BRF1: variants seen among roughly 807,000 people sequenced by gnomAD.
BRF1 encodes transcription factor IIIB 90 kDa subunit.
BRF1 carries 59 observed loss-of-function variants against 81.7 expected under a neutral mutation model. The observed-to-expected ratio is 0.72, with a 90% CI of 0.59 to 0.90. The LOEUF is 0.90. Ranked by LOEUF, BRF1 falls within the 40% of genes least tolerant of loss-of-function variation. BRF1 has a pLI of 0.00. For missense variants in BRF1, 1,050 were observed against 936.3 expected, an observed-to-expected ratio of 1.12 and a Z score of -1.58; for synonymous variants, 491 against 395.6, an observed-to-expected ratio of 1.24 and a Z score of -2.86.
rs185114171 is a variant in BRF1, at chr14:105,210,963, G to A, written c.1996+159C>T. ...CCTGGCTGCCTCCAACCTCACAATCGACATGACCAATTTACAAAATGTCTT... is the reference window on the plus strand; with the variant it reads ...CCTGGCTGCCTCCAACCTCACAATCAACATGACCAATTTACAAAATGTCTT... On this transcript the variant is annotated intron_variant, in intron 17 of 17. Transcript: ENST00000547530. This position sits in a 1 kb window ranked among gnomAD's most constrained non-coding sequence, Gnocchi z 4.7. 1.3e-5 allele frequency among the ~76,000 whole-genome samples: 2 copies of A among 152,256 alleles called. No individual in the cohort carries two copies. The highest frequency in any genetic ancestry group is 2.4e-5 in the African/African-American group (1 of 41,560).
rs370674793 is a variant in BRF1 at position 105,222,075 on chromosome 14, C to T, written c.1049-161G>A. The T allele has an allele frequency of 6.2e-4, 498 of 807,958 alleles. 7 individuals are homozygous for T. The African/African-American group carries it at 8.1e-3, about 13-fold the overall frequency. The allele number at this position is 807,958 out of a possible 1,614,324, so 50.0% of individuals were successfully genotyped here. Reference sequence around the variant, plus strand: ...AAAGAACGAGCCTCAGCCCACACCTCGCACTGCACGCGGAAGTTAGCTCAA... The same window carrying T: ...AAAGAACGAGCCTCAGCCCACACCTTGCACTGCACGCGGAAGTTAGCTCAA... On this transcript the variant is annotated intron_variant, in intron 10 of 17. Transcript: ENST00000547530.
intron 2 of BRF1, among the ~76,000 whole-genome samples, chr14:105,274,773 T>G (rs1174774981): frequency 6.6e-6 from 1 of 152,000 alleles, no homozygotes; most frequent in Non-Finnish European, 1.5e-5. Context: ...TGCCCCCACT[T>G]CTGTCTGCAG....
rs191335755 is a variant in BRF1 at position 105,311,652 on chromosome 14, C to G, written c.-162+3670G>C. On this transcript the variant is annotated intron_variant, in intron 1 of 17. Coordinates refer to the BRF1 transcript ENST00000327359. The stretch of plus-strand genomic sequence containing the variant: ...CTAACCCTGTTCTACTCTACAACCC[C>G]GGGGTTGATTCCAGGCCTCACTCTC... 7.7e-4 allele frequency among the ~76,000 whole-genome samples: 118 copies of G among 152,268 alleles called. 1 individual carries two copies. The East Asian group carries it at 0.015, about 19-fold the overall frequency.
rs1316711925 is a variant in BRF1 at position 105,266,008 on chromosome 14, T to TCC, written c.439+6712_439+6713insGG. 8.7e-4 allele frequency among the ~76,000 whole-genome samples: 131 copies of TCC among 151,194 alleles called. 2 individuals carry two copies. In the Middle Eastern group the frequency reaches 0.017, roughly 20 times the overall value. ...ATCACTTGAACCCAGAGGGCAGAGG[T>TCC]TGCAGTGAGCCGAGATGGCACCACT... On this transcript the variant is annotated intron_variant, in intron 3 of 17. Transcript: ENST00000547530.
At chr14:105,256,658 C>T in intron 3 of BRF1, 109 bp from the exon 4 acceptor site, 1 of 1,484,538 alleles carries the variant, frequency 6.7e-7, no homozygotes, top group Non-Finnish European at 9.0e-7. Flanking sequence ...TGGAGTCGCC[C>T]CTCCAAATAT....
chr14:105,221,745 C>T lies in BRF1; in HGVS notation c.1218G>A (p.Pro406=), dbSNP rs28406206. 136,623 of 1,610,348 alleles carry T rather than the reference C, an allele frequency of 0.085. 6,285 individuals are homozygous for T. The highest frequency in any genetic ancestry group is 0.096 in the Non-Finnish European group (112,783 of 1,179,368). Residue 406 remains proline, a synonymous_variant, in exon 11 of 18, where the codon CCG becomes CCA. Transcript: ENST00000547530. ...GGGGGTCCAGCAGGGACCCCAGGGC[C>T]GGAGGTCTGCCGCCCCACTCGGGGC... ...AGSPEWGGRP[P]ALGSLLDPLP... is the part of the protein sequence containing the mutation.
At chr14:105,247,852 TCTC>T (rs1291272700) in intron 5 of BRF1, 4 of 985,542 alleles carry the variant, frequency 4.1e-6, no homozygotes, top group South Asian at 4.7e-5. Context: ...TGAAGTCTGG[TCTC>T]CTCATCAGCA....
chr14:105,286,170 G>T, intron 2 of BRF1, 126 bp downstream of exon 2: 2 of 1,083,776 alleles, frequency 1.8e-6, no homozygotes, highest in Non-Finnish European at 2.7e-6. Context: ...TGGGCTGGGC[G>T]TGCAGGGTGA....
chr14:105,226,858 C>T (rs1245209207), intron 7 of BRF1, 98 bp from the exon 8 acceptor site: 1 of 1,579,076 alleles, frequency 6.3e-7, no homozygotes, highest in Non-Finnish European at 8.6e-7. Context: ...CCTGTGATCC[C>T]AGTGCTTTGG....
chr14:105,249,342 G>A lies in BRF1; in HGVS notation c.544+3165C>T, dbSNP rs760954961. The A allele has an allele frequency of 4.0e-5, 64 of 1,605,602 alleles. 1 individual carries two copies. In the South Asian group the frequency reaches 5.5e-4, roughly 14 times the overall value. ...CCTGCGGGAGAGCCAGGCTCACGGCGGCGCTTTCTCCTCCCAGTACGTCTT... is the reference window on the plus strand; with the variant it reads ...CCTGCGGGAGAGCCAGGCTCACGGCAGCGCTTTCTCCTCCCAGTACGTCTT... On this transcript the variant is annotated intron_variant, in intron 5 of 17. Coordinates refer to ENST00000547530, the MANE Select transcript of BRF1 (RefSeq NM_001519.4).
intron 1 of BRF1, among the ~76,000 whole-genome samples, chr14:105,313,376 G>C (rs2058405606): frequency 6.6e-6 from 1 of 152,170 alleles, no homozygotes. Flanking sequence ...GAGATCCACC[G>C]GCCCTCTGCC....
At chr14:105,255,830 A>G (rs1380316387) in intron 4 of BRF1, among the ~76,000 whole-genome samples, 1 of 152,202 alleles carries the variant, frequency 6.6e-6, no homozygotes, top group African/African-American at 2.4e-5. Flanking sequence ...TCTACAATTT[A>G]AAATGCATGC....
chr14:105,251,314 C>G (rs758030241), intron 5 of BRF1, among the ~76,000 whole-genome samples: 1 of 152,150 alleles, frequency 6.6e-6, no homozygotes, highest in South Asian at 2.1e-4. Flanking sequence ...GTCTCTATGT[C>G]CTAATGCATC....
intron 3 of BRF1, among the ~76,000 whole-genome samples, chr14:105,268,572 A>T (rs887222450): frequency 1.4e-4 from 21 of 152,242 alleles, no homozygotes; most frequent in Non-Finnish European, 2.6e-4. Context: ...GGGCAGAAGG[A>T]GGAATAAGCT....
At chr14:105,287,092 G>A (rs2057342740) in intron 1 of BRF1, among the ~76,000 whole-genome samples, 1 of 152,232 alleles carries the variant, frequency 6.6e-6, no homozygotes, top group Non-Finnish European at 1.5e-5. Context: ...CCACCCATGG[G>A]GAGGCTGCAG....
Position 105,217,562 on chromosome 14 carries a change from A to C in BRF1, c.1754T>G (p.Val585Gly). 6.2e-7 allele frequency: 1 copy of C among 1,613,396 alleles called. No individual in the cohort carries two copies. The highest frequency in any genetic ancestry group is 8.5e-7 in the Non-Finnish European group (1 of 1,179,906). The change falls in exon 15 of 18, where the codon GTG (valine) becomes GGG (glycine). Residue 585 changes from valine to glycine, a missense_variant. Around this residue, in one of 2 missense-constraint regions of BRF1, gnomAD observed 1,043 missense variants for 915.4 expected, o/e 1.14. Coordinates refer to ENST00000547530, the MANE Select transcript of BRF1 (RefSeq NM_001519.4). ...ATGGTACCTTTTCCCCACACTGGTC[A>C]CAGGGTCAGCCCCACTTCTGCTGGC... ...TPASRSGADP[V>G]TSVGKRLRPL...
At chr14:105,299,586 A>G (rs2057896623) in intron 1 of BRF1, among the ~76,000 whole-genome samples, 1 of 152,218 alleles carries the variant, frequency 6.6e-6, no homozygotes, top group Non-Finnish European at 1.5e-5. Flanking sequence ...AGATAAATAA[A>G]AAAATAAGAC....
At chr14:105,258,006 G>A (rs1167527359) in intron 3 of BRF1, among the ~76,000 whole-genome samples, 1 of 152,248 alleles carries the variant, frequency 6.6e-6, no homozygotes, top group Non-Finnish European at 1.5e-5. Flanking sequence ...ACAGCCCCAA[G>A]AGTGAACCTC....
chr14:105,228,280 C>A (rs183668131), intron 7 of BRF1: 1 of 152,660 alleles, frequency 6.6e-6, no homozygotes, highest in Non-Finnish European at 1.5e-5. Context: ...ACACGGGGCG[C>A]GGTGGCTCAT....
Sources: allele counts gnomAD v4.1 joint callset (sites outside exome capture counted in the v4.1 genomes callset), GRCh38; gene constraint gnomAD v4.1.1; regional missense constraint gnomAD v4.1.1; non-coding constraint Gnocchi (gnomAD v3.1); transcripts MANE v1.5; gene names NCBI Gene and HGNC (gene_info 2026-07-23, HGNC 2026-07-21).